KRABD5: variants seen among roughly 807,000 people sequenced by gnomAD.
The protein encoded by KRABD5 is KRAB domain containing 5.
the KRABD5 span, among the ~76,000 whole-genome samples, chr16:31,725,999 T>C: frequency 6.6e-6 from 1 of 152,250 alleles, no homozygotes; most frequent in African/African-American, 2.4e-5. Flanking sequence ...TTTTTGTTTT[T>C]GTTTTTTGAT....
chr16:31,737,677 C>T, the KRABD5 span, among the ~76,000 whole-genome samples: 1 of 152,044 alleles, frequency 6.6e-6, no homozygotes, highest in African/African-American at 2.4e-5. Flanking sequence ...TTTTATTTAT[C>T]TTTATGTCAG....
chr16:31,753,690 T>C, the KRABD5 span: 1 of 1,320,064 alleles, frequency 7.6e-7, no homozygotes, highest in Non-Finnish European at 1.0e-6. Context: ...CGTGATATAA[T>C]TTGTGTATTA....
At chr16:31,753,937 A>G in the KRABD5 span, 5 of 1,550,892 alleles carry the variant, frequency 3.2e-6, no homozygotes, top group East Asian at 4.9e-5. Context: ...TATGATGGAC[A>G]TACAAAATGT....
At chr16:31,716,997 G>GT in the KRABD5 span, among the ~76,000 whole-genome samples, 110 of 81,118 alleles carry the variant, frequency 1.4e-3, no homozygotes, top group East Asian at 7.9e-3. Flanking sequence ...GTCAGTCTTT[G>GT]TTTTTTTTTT....
the KRABD5 span, among the ~76,000 whole-genome samples, chr16:31,728,995 C>G: frequency 6.6e-6 from 1 of 152,166 alleles, no homozygotes; most frequent in East Asian, 1.9e-4. Flanking sequence ...GCTCTATCCT[C>G]TAGACAAATT....
the KRABD5 span, among the ~76,000 whole-genome samples, chr16:31,725,230 C>G: frequency 6.6e-6 from 1 of 152,288 alleles, no homozygotes; most frequent in African/African-American, 2.4e-5. Context: ...ATTCTGCCAC[C>G]TCAGCCTCCC....
At chr16:31,755,323 C>G in the KRABD5 span, 1 of 506,490 alleles carries the variant, frequency 2.0e-6, no homozygotes, top group East Asian at 5.9e-5. Flanking sequence ...GTGGCAAAGC[C>G]TTTAATTGTA....
chr16:31,722,053 G>A, the KRABD5 span, among the ~76,000 whole-genome samples: 97 of 148,258 alleles, frequency 6.5e-4, 1 homozygote, highest in East Asian at 7.2e-3. Flanking sequence ...ATGTTGATGC[G>A]TTAGTTTTTT....
the KRABD5 span, chr16:31,722,512 G>C: frequency 1.4e-5 from 16 of 1,145,814 alleles, no homozygotes; most frequent in South Asian, 2.2e-4. Flanking sequence ...GAATATTTCA[G>C]GTCACTCATA....
the KRABD5 span, among the ~76,000 whole-genome samples, chr16:31,747,975 G>T: frequency 2.0e-5 from 3 of 152,136 alleles, no homozygotes; most frequent in Middle Eastern, 3.2e-3. Flanking sequence ...CTTCTGCTGT[G>T]CAGAAGCTCT....
chr16:31,731,903 T>C, the KRABD5 span, among the ~76,000 whole-genome samples: 22 of 152,310 alleles, frequency 1.4e-4, no homozygotes, highest in South Asian at 4.6e-3. Context: ...TGAGGGTCTC[T>C]GTGTGGACAG....
chr16:31,732,530 A>G, the KRABD5 span, among the ~76,000 whole-genome samples: 1 of 152,340 alleles, frequency 6.6e-6, no homozygotes, highest in South Asian at 2.1e-4. Context: ...GTTAAGATTT[A>G]TATATTTTTT....
At chr16:31,725,108 T>TTTTA in the KRABD5 span, among the ~76,000 whole-genome samples, 90,087 of 150,304 alleles carry the variant, frequency 0.6, 28,084 homozygotes, top group Middle Eastern at 0.71. Context: ...AACATACTGA[T>TTTTA]TTTATTTATT....
the KRABD5 span, among the ~76,000 whole-genome samples, chr16:31,715,063 G>A: frequency 6.6e-6 from 1 of 152,116 alleles, no homozygotes; most frequent in Non-Finnish European, 1.5e-5. Flanking sequence ...CACGACTCCT[G>A]GACTAAATCA....
the KRABD5 span, among the ~76,000 whole-genome samples, chr16:31,735,272 C>A: frequency 2.0e-5 from 3 of 152,132 alleles, no homozygotes; most frequent in South Asian, 6.2e-4. Flanking sequence ...AATAGTAATT[C>A]ATTGTGCATT....
At chr16:31,749,689 G>A in the KRABD5 span, among the ~76,000 whole-genome samples, 1 of 152,120 alleles carries the variant, frequency 6.6e-6, no homozygotes, top group Non-Finnish European at 1.5e-5. Flanking sequence ...TGGCTGGCAG[G>A]ACAGGGCTCT....
the KRABD5 span, chr16:31,723,139 T>C: frequency 9.2e-7 from 1 of 1,085,424 alleles, no homozygotes; most frequent in East Asian, 2.7e-5. Flanking sequence ...CAGGAAACAG[T>C]ATTTGGGGAA....
At chr16:31,733,031 A>G in the KRABD5 span, among the ~76,000 whole-genome samples, 1 of 151,920 alleles carries the variant, frequency 6.6e-6, no homozygotes, top group Non-Finnish European at 1.5e-5. Context: ...GTTTCCTTAG[A>G]TCAGTTAATT....
At chr16:31,715,874 T>C in the KRABD5 span, among the ~76,000 whole-genome samples, 1 of 152,164 alleles carries the variant, frequency 6.6e-6, no homozygotes, top group African/African-American at 2.4e-5. Flanking sequence ...TGTATTCCCC[T>C]GCACACAGAC....
Sources: allele counts gnomAD v4.1 joint callset (sites outside exome capture counted in the v4.1 genomes callset), GRCh38; gene constraint gnomAD v4.1.1; transcripts MANE v1.5; gene names NCBI Gene and HGNC (gene_info 2026-07-23, HGNC 2026-07-21).